TECTB: variants seen among roughly 807,000 people sequenced by gnomAD.
The protein encoded by TECTB is beta-tectorin.
TECTB carries 45 observed loss-of-function variants against 43.3 expected under a neutral mutation model. The ratio of observed to expected loss-of-function variants is 1.04; its 90% confidence interval spans 0.82 to 1.33. The LOEUF (loss-of-function observed/expected upper bound fraction) is 1.33. TECTB is among the 40% of genes most tolerant of loss of function. The pLI, the probability that TECTB is intolerant of heterozygous loss-of-function variation, is 0.00. For missense variants in TECTB, 399 were observed against 404.7 expected (o/e 0.99, Z 0.12); for synonymous variants, 169 against 156.7 (o/e 1.08, Z -0.59).
chr10:112,296,034 C>T (rs181643804), intron 7 of TECTB, among the ~76,000 whole-genome samples: 1 of 152,314 alleles, frequency 6.6e-6, no homozygotes, highest in Admixed American at 6.5e-5. Flanking sequence ...CCCATTTCTA[C>T]ATTCTTCCTA....
At chr10:112,286,237 G>A in intron 4 of TECTB, 24 bp downstream of exon 4, 2 of 1,614,134 alleles carry the variant, frequency 1.2e-6, no homozygotes, top group South Asian at 1.1e-5. Context: ...CGGCATGGAG[G>A]GCTGGCTGCC....
intron 9 of TECTB, among the ~76,000 whole-genome samples, chr10:112,300,809 T>A (rs763192250): frequency 1.3e-5 from 2 of 152,194 alleles, no homozygotes; most frequent in Non-Finnish European, 2.9e-5. Context: ...ACACTTCTGG[T>A]CCCAAGCATT....
intron 10 of TECTB, chr10:112,302,952 G>C: frequency 2.6e-6 from 1 of 383,968 alleles, no homozygotes; most frequent in Non-Finnish European, 4.8e-6. Context: ...CATTACAGGA[G>C]AATCATGTAA....
intron 9 of TECTB, 23 bp from the exon 10 acceptor site, chr10:112,302,078 C>A: frequency 6.2e-7 from 1 of 1,612,840 alleles, no homozygotes; most frequent in Non-Finnish European, 8.5e-7. Flanking sequence ...AAACTTTCTG[C>A]ATTCTCTCTT....
intron 7 of TECTB, among the ~76,000 whole-genome samples, chr10:112,294,855 GA>G (rs1848531983): frequency 6.6e-6 from 1 of 152,216 alleles, no homozygotes; most frequent in African/African-American, 2.4e-5. Flanking sequence ...ATAGGAGGTG[GA>G]GGAAAGGACA....
At chr10:112,295,805 T>C (rs1211356696) in intron 7 of TECTB, among the ~76,000 whole-genome samples, 1 of 152,234 alleles carries the variant, frequency 6.6e-6, no homozygotes, top group East Asian at 1.9e-4. Flanking sequence ...GGAGTTCTAG[T>C]GCCGTTGTTC....
At chr10:112,289,740 C>T (rs1340870107) in intron 5 of TECTB, among the ~76,000 whole-genome samples, 2 of 152,078 alleles carry the variant, frequency 1.3e-5, no homozygotes, top group Admixed American at 6.5e-5. Context: ...AAATGAAGCC[C>T]AAAGTTGAAG....
At chr10:112,299,684 C>T (rs1202622624) in intron 9 of TECTB, 120 bp downstream of exon 9, 1 of 1,017,638 alleles carries the variant, frequency 9.8e-7, no homozygotes, top group Non-Finnish European at 1.5e-6. Flanking sequence ...CCTGTGGGCA[C>T]AACCTTCACC....
intron 3 of TECTB, among the ~76,000 whole-genome samples, chr10:112,285,386 T>C (rs573395329): frequency 3.9e-5 from 6 of 152,176 alleles, no homozygotes; most frequent in Non-Finnish European, 7.3e-5. Flanking sequence ...TGTGCATCTA[T>C]CCATCTCAGA....
intron 3 of TECTB, among the ~76,000 whole-genome samples, 180 bp from the exon 4 acceptor site, chr10:112,285,891 A>C (rs1046715737): frequency 2.6e-5 from 4 of 152,176 alleles, no homozygotes; most frequent in Admixed American, 2.6e-4. Context: ...AAACTAAGGA[A>C]CCCTTTACAA....
At chr10:112,299,383 C>T (rs1848576173) in intron 8 of TECTB, 109 bp from the exon 9 acceptor site, 1 of 1,038,120 alleles carries the variant, frequency 9.6e-7, no homozygotes. Context: ...TGTGACTCCA[C>T]CCCATTTGTG....
chr10:112,298,308 G>C, intron 8 of TECTB, 77 bp downstream of exon 8: 1 of 1,535,724 alleles, frequency 6.5e-7, no homozygotes, highest in Non-Finnish European at 8.8e-7. Flanking sequence ...TGAGTGGGGA[G>C]ATCATAACCA....
chr10:112,303,212 C>T (rs1008977377), intron 10 of TECTB, 51 bp from the exon 11 acceptor site: 3 of 1,608,596 alleles, frequency 1.9e-6, no homozygotes, highest in Admixed American at 3.3e-5. Flanking sequence ...GTTGGCTTTA[C>T]CCTTGTAGAA....
chr10:112,295,914 T>C (rs1848542627), intron 7 of TECTB, among the ~76,000 whole-genome samples: 2 of 152,212 alleles, frequency 1.3e-5, no homozygotes, highest in Non-Finnish European at 1.5e-5. Flanking sequence ...ACAAACTGTG[T>C]AGGGTGCCTA....
intron 5 of TECTB, among the ~76,000 whole-genome samples, chr10:112,288,985 C>A (rs1370874689): frequency 6.6e-6 from 1 of 152,188 alleles, no homozygotes; most frequent in African/African-American, 2.4e-5. Flanking sequence ...AAGCCTTGTT[C>A]CATCATTTAC....
intron 7 of TECTB, among the ~76,000 whole-genome samples, chr10:112,297,379 G>A (rs1213261873): frequency 6.6e-6 from 1 of 152,056 alleles, no homozygotes; most frequent in Non-Finnish European, 1.5e-5. Flanking sequence ...TGAGACGTTG[G>A]AATATCATAC....
At chr10:112,292,181 T>C (rs1006731858) in intron 5 of TECTB, among the ~76,000 whole-genome samples, 2 of 151,094 alleles carry the variant, frequency 1.3e-5, no homozygotes, top group African/African-American at 4.9e-5. Context: ...ACAGAGCAGT[T>C]CAAGATTGTT....
Position 112,286,065 on chromosome 10 carries a change from G to A in TECTB, c.268-6G>A, listed in dbSNP as rs1382339452. On this transcript the variant is annotated splice_region_variant and splice_polypyrimidine_tract_variant and intron_variant, in intron 3 of 10. Coordinates refer to ENST00000646139, the MANE Select transcript of TECTB (RefSeq NM_058222.3). ...TTCATCCTGACTGTCTCCTTTCTTT[G>A]TCCAGTACAAGCCACCTATCTATCA... The A allele has an allele frequency of 2.5e-6, 4 of 1,613,874 alleles. No homozygotes were observed. In the African/African-American group the frequency reaches 5.3e-5, roughly 22 times the overall value.
rs1361291056 is a variant in TECTB at position 112,300,279 on chromosome 10, A to AAAGAAAGAAAGGAAAGAAAG, written c.907+717_907+718insGAAAGAAAGGAAAGAAAGAA. On this transcript the variant is annotated intron_variant, in intron 9 of 10. Transcript: ENST00000646139. ...GAAAGAAAGAAAGAAAGAAAGAAAG[A>AAAGAAAGAAAGGAAAGAAAG]AAAGAAAGAAAGAAAGAAAGAAAGA... Among the ~76,000 whole-genome samples the AAAGAAAGAAAGGAAAGAAAG allele has an allele frequency of 1.9e-3, 93 of 48,384 alleles. 5 individuals are homozygous for AAAGAAAGAAAGGAAAGAAAG. Among genetic ancestry groups the AAAGAAAGAAAGGAAAGAAAG allele is most frequent in the Non-Finnish European group, 2.4e-3 (62 of 25,446 alleles). The allele number at this position is 48,384 out of a possible 152,430, so 31.7% of individuals were successfully genotyped here.
Sources: allele counts gnomAD v4.1 joint callset (sites outside exome capture counted in the v4.1 genomes callset), GRCh38; gene constraint gnomAD v4.1.1; transcripts MANE v1.5; gene names NCBI Gene and HGNC (gene_info 2026-07-23, HGNC 2026-07-21).